The following FHIT variants were observed in gnomAD, a reference collection of about 807,000 sequenced individuals.
FHIT encodes fragile histidine triad diadenosine triphosphatase.
In FHIT, 19 loss-of-function variants were observed where a neutral mutation model predicts 17.9. The observed-to-expected ratio is 1.06, with a 90% CI of 0.74 to 1.56. The LOEUF (loss-of-function observed/expected upper bound fraction) is 1.56. Ranked by LOEUF, FHIT falls within the 40% of genes most tolerant of loss-of-function variation. The pLI is 0.00. For synonymous variants in FHIT, 81 were observed against 69.7 expected (o/e 1.16, Z -0.81); for missense variants, 248 against 189.2 (o/e 1.31, Z -1.82).
At chr3:60,121,545 G>A (rs1052582319) in intron 5 of FHIT, among the ~76,000 whole-genome samples, 11 of 152,028 alleles carry the variant, frequency 7.2e-5, no homozygotes, top group African/African-American at 2.2e-4. Flanking sequence ...TTAGCCAGGC[G>A]TGGTGGTGCG....
At chr3:60,082,790 T>C (rs1703345918) in intron 5 of FHIT, among the ~76,000 whole-genome samples, 4 of 152,138 alleles carry the variant, frequency 2.6e-5, no homozygotes, top group Admixed American at 2.6e-4. Flanking sequence ...AAGTGTCTGT[T>C]CATGTATTTT....
intron 8 of FHIT, among the ~76,000 whole-genome samples, chr3:59,901,023 T>C (rs1704304944): frequency 6.6e-6 from 1 of 152,228 alleles, no homozygotes; most frequent in Admixed American, 6.5e-5. Context: ...GCAAAAGTTT[T>C]CTTACTGTTT....
intron 2 of FHIT, among the ~76,000 whole-genome samples, chr3:61,098,328 G>C (rs2035706504): frequency 6.6e-6 from 1 of 152,102 alleles, no homozygotes; most frequent in Non-Finnish European, 1.5e-5. Flanking sequence ...TTGTACCAGA[G>C]CCATGCTGTT....
intron 4 of FHIT, among the ~76,000 whole-genome samples, chr3:60,584,167 T>C (rs1336709984): frequency 6.6e-6 from 1 of 152,130 alleles, no homozygotes; most frequent in South Asian, 2.1e-4. Context: ...ATAGAAGAAC[T>C]CATTATATTT....
intron 8 of FHIT, among the ~76,000 whole-genome samples, chr3:59,828,739 T>G (rs1292783103): frequency 6.6e-6 from 1 of 152,156 alleles, no homozygotes; most frequent in East Asian, 1.9e-4. Context: ...AAAATCTCTT[T>G]CCAATATGAT....
intron 5 of FHIT, among the ~76,000 whole-genome samples, chr3:60,024,982 AG>A (rs1700686913): frequency 6.6e-6 from 1 of 152,206 alleles, no homozygotes; most frequent in Non-Finnish European, 1.5e-5. Context: ...TGGTGGTGGC[AG>A]TAGAGATGCA....
chr3:61,195,636 ATTTTTT>A lies in FHIT; in HGVS notation c.-164+4975_-164+4980del, dbSNP rs1277839118. On this transcript the variant is annotated intron_variant, in intron 2 of 9. Transcript: ENST00000492590. ...GAATCTCTGAAGATAGAACTCAGAA[ATTTTTT>A]TTAAGTAGCCATCAGGATAACTGAA... Among the ~76,000 whole-genome samples, 22 of 152,210 alleles carry A rather than the reference ATTTTTT, an allele frequency of 1.4e-4. No homozygotes were observed. In the East Asian group the frequency reaches 2.3e-3, roughly 16 times the overall value.
intron 7 of FHIT, among the ~76,000 whole-genome samples, chr3:59,932,164 TC>T (rs954403189): frequency 1.3e-5 from 2 of 152,052 alleles, no homozygotes; most frequent in Non-Finnish European, 2.9e-5. Flanking sequence ...CCAATCAATT[TC>T]CCCCATCTTC....
chr3:60,491,545 C>T (rs1417161128), intron 5 of FHIT, among the ~76,000 whole-genome samples: 1 of 152,150 alleles, frequency 6.6e-6, no homozygotes. Flanking sequence ...AGATGTCAGA[C>T]AATCAATTCA....
intron 4 of FHIT, among the ~76,000 whole-genome samples, chr3:60,571,819 A>C (rs975083122): frequency 6.6e-6 from 1 of 152,206 alleles, no homozygotes; most frequent in African/African-American, 2.4e-5. Context: ...AACAAAAGCT[A>C]TTAGGTGAAG....
At chr3:60,117,320 A>C (rs546376974) in intron 5 of FHIT, among the ~76,000 whole-genome samples, 1 of 152,158 alleles carries the variant, frequency 6.6e-6, no homozygotes, top group Non-Finnish European at 1.5e-5. Flanking sequence ...AAACTTCTAG[A>C]AAGAAAATAT....
At chr3:60,866,644 A>G (rs1553753927) in intron 3 of FHIT, among the ~76,000 whole-genome samples, 2 of 152,222 alleles carry the variant, frequency 1.3e-5, no homozygotes, top group South Asian at 2.1e-4. Context: ...TGCAGTTTTA[A>G]GCAGTTGAGT....
chr3:60,768,331 G>C (rs1699921045), intron 4 of FHIT, among the ~76,000 whole-genome samples: 1 of 152,210 alleles, frequency 6.6e-6, no homozygotes, highest in African/African-American at 2.4e-5. Flanking sequence ...ACTTTTACCA[G>C]AGTGTGAAAA....
chr3:60,761,231 A>G lies in FHIT; in HGVS notation c.-18+60688T>C, dbSNP rs371294641. Among the ~76,000 whole-genome samples the G allele has an allele frequency of 1.2e-4, 18 of 152,348 alleles. 1 individual carries two copies. Among genetic ancestry groups the G allele is most frequent in the Admixed American group, 2.6e-4 (4 of 15,304 alleles). ...AAGAGCTACATGGAAATTATACAAC[A>G]AAGTGGTTTCACAGTGATATTGAGA... On this transcript the variant is annotated intron_variant, in intron 4 of 9. Coordinates refer to ENST00000492590, the MANE Select transcript of FHIT (RefSeq NM_002012.4).
chr3:60,555,089 A>G (rs892604499), intron 4 of FHIT, among the ~76,000 whole-genome samples: 1 of 152,236 alleles, frequency 6.6e-6, no homozygotes, highest in Non-Finnish European at 1.5e-5. Flanking sequence ...CAAGTTTAGA[A>G]GTATATAATG....
intron 7 of FHIT, among the ~76,000 whole-genome samples, chr3:59,979,410 C>T (rs184188907): frequency 1.3e-5 from 2 of 152,196 alleles, no homozygotes; most frequent in East Asian, 3.9e-4. Context: ...TCAGGGAAAA[C>T]AAGATACTTA....
intron 5 of FHIT, among the ~76,000 whole-genome samples, chr3:60,173,021 T>C (rs1035106981): frequency 6.6e-6 from 1 of 152,200 alleles, no homozygotes; most frequent in Non-Finnish European, 1.5e-5. Context: ...TATACCATTA[T>C]TTTATTTCAT....
chr3:59,821,089 G>A (rs1700770395), intron 8 of FHIT, among the ~76,000 whole-genome samples: 1 of 152,156 alleles, frequency 6.6e-6, no homozygotes, highest in African/African-American at 2.4e-5. Flanking sequence ...AGAGAGGTGG[G>A]GCTGGAGGTC....
chr3:60,628,995 G>A (rs534379788), intron 4 of FHIT, among the ~76,000 whole-genome samples: 17 of 152,104 alleles, frequency 1.1e-4, no homozygotes, highest in Non-Finnish European at 2.2e-4. Context: ...GTAAGCTGAG[G>A]CAAGGGGGAC....
Sources: allele counts gnomAD v4.1 joint callset (sites outside exome capture counted in the v4.1 genomes callset), GRCh38; gene constraint gnomAD v4.1.1; transcripts MANE v1.5; gene names NCBI Gene and HGNC (gene_info 2026-07-23, HGNC 2026-07-21).